C12orf42: variants seen among roughly 807,000 people sequenced by gnomAD.
The protein encoded by C12orf42 is uncharacterized protein C12orf42.
A neutral mutation model predicts 21.6 loss-of-function variants in C12orf42; 25 were observed. The observed-to-expected ratio is 1.16, with a 90% CI of 0.84 to 1.62. The LOEUF is 1.62. Among genes scored for constraint, C12orf42 ranks in the 40% most tolerant of loss-of-function variants. The pLI, the probability that C12orf42 is intolerant of heterozygous loss-of-function variation, is 0.00. For missense variants in C12orf42, 483 were observed against 459.3 expected (o/e 1.05, Z -0.47); for synonymous variants, 174 against 175.0 (o/e 0.99, Z 0.05).
At chr12:103,287,893 C>T (rs17033666) in intron 4 of C12orf42, among the ~76,000 whole-genome samples, 7,009 of 152,012 alleles carry the variant, frequency 0.046, 379 homozygotes, top group African/African-American at 0.13. Context: ...TCTGAAAGCC[C>T]GGAGCTGGAG....
At chr12:103,376,593 C>A (rs949843792) in intron 3 of C12orf42, among the ~76,000 whole-genome samples, 5 of 150,810 alleles carry the variant, frequency 3.3e-5, no homozygotes, top group Non-Finnish European at 7.4e-5. Flanking sequence ...GAAAATTTCC[C>A]TGTCTTTTAG....
chr12:103,239,522 C>T (rs764836726), intron 10 of C12orf42, among the ~76,000 whole-genome samples: 7 of 152,144 alleles, frequency 4.6e-5, no homozygotes, highest in South Asian at 2.1e-4. Context: ...AGAGTCAACC[C>T]GCTCCTTCAG....
the C12orf42 span, among the ~76,000 whole-genome samples, chr12:103,542,671 G>C: frequency 1.6e-4 from 24 of 152,232 alleles, no homozygotes; most frequent in African/African-American, 5.8e-4. Context: ...CAGAGAGATG[G>C]AGAAGTACTA....
downstream of C12orf42, among the ~76,000 whole-genome samples, chr12:103,237,123 A>G (rs2033492880): frequency 2.0e-5 from 3 of 152,220 alleles, no homozygotes; most frequent in Non-Finnish European, 4.4e-5. Context: ...TTGAGGTTAA[A>G]TCTTGCCTGC....
At position 103,401,683 on chromosome 12, in the gene C12orf42, A is replaced by T; in HGVS notation, c.79-8T>A. Reference sequence around the variant, plus strand: ...AATATAGCAAGGGGATTTCTGAAACATTAGAAACAAGGCATTTAGTATCAC... The same window carrying T: ...AATATAGCAAGGGGATTTCTGAAACTTTAGAAACAAGGCATTTAGTATCAC... On this transcript the variant is annotated splice_region_variant and splice_polypyrimidine_tract_variant and intron_variant, in intron 2 of 5. Coordinates refer to ENST00000548883, the MANE Select transcript of C12orf42 (RefSeq NM_198521.5). 6.2e-7 allele frequency: 1 copy of T among 1,611,490 alleles called. No individual in the cohort carries two copies. The highest frequency in any genetic ancestry group is 8.5e-7 in the Non-Finnish European group (1 of 1,177,996).
chr12:103,182,692 A>T, the C12orf42 span, among the ~76,000 whole-genome samples: 3 of 152,222 alleles, frequency 2.0e-5, no homozygotes. Flanking sequence ...TGTAGGTTTA[A>T]AAGAAGTTGT....
chr12:103,376,883 TTCTC>T (rs141661735), intron 3 of C12orf42, among the ~76,000 whole-genome samples: 8 of 150,110 alleles, frequency 5.3e-5, no homozygotes, highest in African/African-American at 1.5e-4. Flanking sequence ...TGTGTTCTCA[TTCTC>T]TCTCTCTCTC....
intron 2 of C12orf42, among the ~76,000 whole-genome samples, chr12:103,466,206 A>C (rs1230682468): frequency 6.6e-6 from 1 of 152,198 alleles, no homozygotes; most frequent in Non-Finnish European, 1.5e-5. Context: ...GGTAGAATTC[A>C]GCTTTAACTC....
At chr12:103,447,642 C>G (rs961251322) in intron 2 of C12orf42, among the ~76,000 whole-genome samples, 3 of 151,874 alleles carry the variant, frequency 2.0e-5, no homozygotes, top group African/African-American at 7.3e-5. Context: ...CTGCTATACA[C>G]CAACAGTGAC....
the C12orf42 span, among the ~76,000 whole-genome samples, chr12:103,060,931 A>G: frequency 2.6e-5 from 4 of 152,328 alleles, no homozygotes; most frequent in South Asian, 8.3e-4. Context: ...TTCATGACTA[A>G]AACACCAAAA....
At chr12:103,137,451 G>T in the C12orf42 span, among the ~76,000 whole-genome samples, 1 of 151,084 alleles carries the variant, frequency 6.6e-6, no homozygotes, top group Non-Finnish European at 1.5e-5. Flanking sequence ...TGTGGAAACA[G>T]TAAGATTTCT....
chr12:103,173,607 G>C, the C12orf42 span, among the ~76,000 whole-genome samples: 2 of 151,990 alleles, frequency 1.3e-5, no homozygotes, highest in African/African-American at 4.8e-5. Flanking sequence ...ATCACCAAAG[G>C]CCCTTTGTAA....
the C12orf42 span, among the ~76,000 whole-genome samples, chr12:103,196,855 TG>T: frequency 2.6e-3 from 400 of 152,264 alleles, 1 homozygote; most frequent in African/African-American, 9.4e-3. Context: ...AGTTGGGTTT[TG>T]CTTCTGTATC....
At chr12:103,408,027 G>A (rs901589188) in intron 2 of C12orf42, among the ~76,000 whole-genome samples, 22 of 152,098 alleles carry the variant, frequency 1.4e-4, no homozygotes, top group African/African-American at 5.1e-4. Flanking sequence ...CCCCCTCTTT[G>A]CAGATAAAGC....
rs541111469 is a variant in C12orf42, at chr12:103,305,554, C to G, written c.631+420G>C. ...GCCATGTCCTTACTTTGAATCATTC[C>G]TCCTATATCCTGTGCTATGAATTCA... On this transcript the variant is annotated intron_variant, in intron 5 of 5. Coordinates refer to ENST00000548883, the MANE Select transcript of C12orf42 (RefSeq NM_198521.5). Among the ~76,000 whole-genome samples, 3 of 152,212 alleles carry G rather than the reference C, an allele frequency of 2.0e-5. No individual in the cohort carries two copies. The East Asian group carries it at 5.8e-4, about 29-fold the overall frequency.
rs1566016350 is a variant in C12orf42, at chr12:103,281,965, G to GAA, written n.338-4756_338-4755insTT. Among the ~76,000 whole-genome samples, 255 of 113,844 alleles carry GAA rather than the reference G, an allele frequency of 2.2e-3. 2 individuals carry two copies. The highest frequency in any genetic ancestry group is 7.4e-3 in the African/African-American group (230 of 31,108). 74.7% of individuals were successfully genotyped at this position (113,844 alleles called of 152,430 possible). A position where few individuals can be genotyped will look rare whatever the true frequency, so the allele number is the denominator to read the frequency against. On this transcript the variant is annotated intron_variant and non_coding_transcript_variant, in intron 4 of 6. Coordinates refer to the C12orf42 transcript ENST00000546526. ...AAAGAAAGAAAGAAAGAAAGAAAGA[G>GAA]ATCGATCCTAAAATTTCTTGATATT...
chr12:103,332,241 C>A (rs529291960), intron 4 of C12orf42, among the ~76,000 whole-genome samples: 1 of 152,094 alleles, frequency 6.6e-6, no homozygotes, highest in East Asian at 1.9e-4. Flanking sequence ...CCATTTCACG[C>A]GTAATGAAAC....
the C12orf42 span, among the ~76,000 whole-genome samples, chr12:103,506,850 T>TATA: frequency 1.6e-4 from 12 of 75,976 alleles, no homozygotes; most frequent in Non-Finnish European, 2.7e-4. Context: ...TATATATATA[T>TATA]TTATATATTA....
chr12:103,413,520 G>A (rs2049028384), intron 2 of C12orf42, among the ~76,000 whole-genome samples: 1 of 151,914 alleles, frequency 6.6e-6, no homozygotes, highest in Non-Finnish European at 1.5e-5. Flanking sequence ...GGAACAGGTG[G>A]TGTTTGGTTT....
Sources: gnomAD v4.1 joint callset for allele counts (sites outside exome capture counted in the v4.1 genomes callset) on GRCh38, gnomAD v4.1.1 for gene constraint, MANE v1.5 for transcripts, NCBI Gene and HGNC (gene_info 2026-07-23, HGNC 2026-07-21) for gene names.